The following RABL6 variants were observed in gnomAD, a reference collection of about 807,000 sequenced individuals.
RABL6 encodes RAB, member RAS oncogene family like 6.
In RABL6, 28 loss-of-function variants were observed where a neutral mutation model predicts 72.9. That is an observed-to-expected ratio of 0.38 (90% CI 0.28 to 0.53). The LOEUF (loss-of-function observed/expected upper bound fraction) is 0.53, where lower values mean the gene tolerates loss of function less well. Ranked by LOEUF, RABL6 falls within the 20% of genes least tolerant of loss-of-function variation. RABL6 has a pLI of 0.80. For missense variants in RABL6, 1,029 were observed against 1,008.4 expected (o/e 1.02, Z -0.28); for synonymous variants, 477 against 421.2 (o/e 1.13, Z -1.62).
In RABL6 at chr9:136,837,881, G is replaced by A. The variant is rs556667135; in HGVS notation, c.1146G>A (p.Glu382=). 13 of 1,550,092 alleles carry A rather than the reference G, an allele frequency of 8.4e-6. No individual in the cohort carries two copies. In the East Asian group the frequency reaches 1.7e-4, roughly 20 times the overall value. Residue 382 remains glutamate, a synonymous_variant, in exon 10 of 15, where the codon GAG becomes GAA. Coordinates refer to ENST00000311502, the MANE Select transcript of RABL6 (RefSeq NM_024718.5). ...PPPPEPVPAA[E]GPATVQSVED... Reference sequence around the variant, plus strand: ...TCACAGAGCCAGTCCCGGCCGCAGAGGGCCCAGCAACGGTCCAGAGTGTGG... The same window carrying A: ...TCACAGAGCCAGTCCCGGCCGCAGAAGGCCCAGCAACGGTCCAGAGTGTGG...
intron 7 of RABL6, chr9:136,832,645 T>C (rs1848502129): frequency 2.1e-6 from 1 of 483,608 alleles, no homozygotes; most frequent in Non-Finnish European, 3.8e-6. Context: ...TTGTTTTTGT[T>C]TGTTGAGATA....
At chr9:136,837,820 T>A (rs781208674) in intron 9 of RABL6, 42 bp from the exon 10 acceptor site, 42 of 1,543,896 alleles carry the variant, frequency 2.7e-5, no homozygotes, top group Non-Finnish European at 3.5e-5. Flanking sequence ...GCAGTGAGGG[T>A]TCTGGTGCCG....
Position 136,837,680 on chromosome 9 carries a change from C to T in RABL6, c.1126+18C>T. On this transcript the variant is annotated intron_variant, in intron 9 of 14. Coordinates refer to ENST00000311502, the MANE Select transcript of RABL6 (RefSeq NM_024718.5). ...ACCTCCAGGTAGGCCCTGGAGCTGC[C>T]CCTCCCAAACTGGTCCCAGACCCCC... The T allele has an allele frequency of 6.4e-7, 1 of 1,563,542 alleles. No individual in the cohort carries two copies. Among genetic ancestry groups the T allele is most frequent in the Non-Finnish European group, 8.7e-7 (1 of 1,155,160 alleles).
intron 1 of RABL6, among the ~76,000 whole-genome samples, chr9:136,816,566 A>G (rs1848122872): frequency 6.6e-6 from 1 of 151,884 alleles, no homozygotes; most frequent in African/African-American, 2.4e-5. Flanking sequence ...AATAACAAAA[A>G]TTAGCTGGGT....
At chr9:136,821,351 C>T in intron 1 of RABL6, 1 of 985,354 alleles carries the variant, frequency 1.0e-6, no homozygotes, top group Non-Finnish European at 1.2e-6. Flanking sequence ...GACCCGGAGA[C>T]GGGACCACCG....
intron 8 of RABL6, chr9:136,837,013 A>G (rs961456259): frequency 2.4e-5 from 10 of 417,836 alleles, no homozygotes; most frequent in African/African-American, 1.8e-4. Context: ...AGCTGGGGCT[A>G]CAGGCACCCG....
Position 136,837,676 on chromosome 9 carries a change from C to G in RABL6, c.1126+14C>G. ...CTCCACCTCCAGGTAGGCCCTGGAGCTGCCCCTCCCAAACTGGTCCCAGAC... is the reference window on the plus strand; with the variant it reads ...CTCCACCTCCAGGTAGGCCCTGGAGGTGCCCCTCCCAAACTGGTCCCAGAC... On this transcript the variant is annotated intron_variant, in intron 9 of 14. Transcript: ENST00000311502. 6.4e-7 allele frequency: 1 copy of G among 1,566,660 alleles called. No individual in the cohort carries two copies. The highest frequency in any genetic ancestry group is 1.2e-5 in the South Asian group (1 of 85,182).
intron 7 of RABL6, chr9:136,834,205 A>C: frequency 8.2e-7 from 1 of 1,220,868 alleles, no homozygotes; most frequent in East Asian, 3.3e-5. Context: ...TTTCAAACAC[A>C]TCTCTAAAAA....
At chr9:136,820,218 A>G (rs1192712072) in intron 1 of RABL6, among the ~76,000 whole-genome samples, 2 of 149,570 alleles carry the variant, frequency 1.3e-5, no homozygotes, top group East Asian at 3.9e-4. Context: ...AAAAAAAAAA[A>G]AAAAAATTAG....
intron 1 of RABL6, chr9:136,814,084 T>G (rs1352959682): frequency 2.8e-6 from 1 of 354,708 alleles, no homozygotes; most frequent in Non-Finnish European, 5.6e-6. Context: ...TCTTTCCAGG[T>G]CTTCAGCAGC....
At position 136,839,841 on chromosome 9, in the gene RABL6, G is replaced by T; in HGVS notation, c.1906G>T (p.Gly636Ter). ...DLFGLGLEEAGPKESSEEGKE... is the reference protein window; with the variant it reads ...DLFGLGLEEA ...CTTCGGGCTGGGGCTGGAGGAGGCC[G>T]GACCCAAGGAGAGCAGTGAGGAAGG... The change falls in exon 13 of 15, where the codon GGA (glycine) becomes TGA (stop). Residue 636 changes from glycine to a stop codon, truncating the protein, a stop_gained. Transcript: ENST00000311502. LOFTEE classifies it high-confidence loss of function. 1 of 1,612,386 alleles carries T rather than the reference G, an allele frequency of 6.2e-7. No individual in the cohort carries two copies. Among genetic ancestry groups the T allele is most frequent in the Non-Finnish European group, 8.5e-7 (1 of 1,179,710 alleles).
chr9:136,820,790 TG>T (rs1463589161), intron 1 of RABL6, among the ~76,000 whole-genome samples: 26 of 152,084 alleles, frequency 1.7e-4, no homozygotes, highest in African/African-American at 5.8e-4. Context: ...AGGCTGAGTG[TG>T]GGTGTTGCAG....
rs375891311 is a variant in RABL6 at position 136,834,699 on chromosome 9, G to C, written c.706-1043G>C. Among the ~76,000 whole-genome samples, 4 of 152,182 alleles carry C rather than the reference G, an allele frequency of 2.6e-5. No homozygotes were observed. In the South Asian group the frequency reaches 8.3e-4, roughly 32 times the overall value. ...TTGCCATATTGGCCAGGACGGTCTCGATCTCTTGACCTCGTGATCTGCCCG... is the reference window on the plus strand; with the variant it reads ...TTGCCATATTGGCCAGGACGGTCTCCATCTCTTGACCTCGTGATCTGCCCG... On this transcript the variant is annotated intron_variant, in intron 7 of 14. Coordinates refer to ENST00000311502, the MANE Select transcript of RABL6 (RefSeq NM_024718.5).
chr9:136,816,816 TAA>T (rs1007152577), intron 1 of RABL6, among the ~76,000 whole-genome samples: 3 of 152,146 alleles, frequency 2.0e-5, no homozygotes, highest in Non-Finnish European at 2.9e-5. Flanking sequence ...TTAGCTTTTT[TAA>T]AAAAGAGTTT....
intron 1 of RABL6, among the ~76,000 whole-genome samples, chr9:136,820,667 G>A (rs964037846): frequency 8.6e-5 from 13 of 151,978 alleles, no homozygotes; most frequent in African/African-American, 2.7e-4. Context: ...CACCGTGCCC[G>A]GCCAATAATA....
Position 136,808,252 on chromosome 9 carries a change from A to G in RABL6, c.56A>G (p.Lys19Arg), listed in dbSNP as rs771607893. 12 of 1,566,038 alleles carry G rather than the reference A, an allele frequency of 7.7e-6. No individual in the cohort carries two copies. In the Admixed American group the frequency reaches 2.0e-4, roughly 26 times the overall value. ...TCGGACCAGGCCCCGGGCCGGGACA[A>G]GAACATCCCCGCCGGGCTGCAGTCC... ...VGSDQAPGRD[K>R]NIPAGLQSMN... Residue 19 changes from lysine to arginine, a missense_variant, in exon 1 of 15, where the codon AAG (lysine) becomes AGG (arginine). By Grantham distance (26) the Lys-to-Arg change is conservative. This residue lies in a region of RABL6 where 434 missense variants were observed against 536.1 expected (regional missense o/e 0.81). Transcript: ENST00000311502.
chr9:136,833,949 C>G, intron 7 of RABL6: 1 of 1,546,948 alleles, frequency 6.5e-7, no homozygotes, highest in Non-Finnish European at 8.7e-7. Flanking sequence ...CTCAGCTGCT[C>G]CATTCCCTAA....
rs779589434 is a variant in RABL6, at chr9:136,838,970, G to A, written c.1342G>A (p.Glu448Lys). ...VAGFQDDVDL[E>K]DQPRGSPPLP... ...AGGGTTCCAGGACGATGTGGACCTC[G>A]AAGACCAGCCACGTGGGAGTCCCCC... The change falls in exon 11 of 15, where the codon GAA becomes AAA. Residue 448 changes from glutamate (E) to lysine (K), a missense_variant. This residue lies in a region of RABL6 where 595 missense variants were observed against 472.4 expected (regional missense o/e 1.26). Coordinates refer to ENST00000311502, the MANE Select transcript of RABL6 (RefSeq NM_024718.5). 35 of 1,611,102 alleles carry A rather than the reference G, an allele frequency of 2.2e-5. No homozygotes were observed. Among genetic ancestry groups the A allele is most frequent in the Middle Eastern group, 1.7e-4 (1 of 5,848 alleles).
intron 7 of RABL6, chr9:136,834,520 C>T (rs965003332): frequency 2.1e-6 from 2 of 934,190 alleles, no homozygotes; most frequent in African/African-American, 3.6e-5. Flanking sequence ...CTCACTCTGT[C>T]CAGGCTGGAG....
Sources: allele counts gnomAD v4.1 joint callset (sites outside exome capture counted in the v4.1 genomes callset), GRCh38; gene constraint gnomAD v4.1.1; regional missense constraint gnomAD v4.1.1; transcripts MANE v1.5; gene names NCBI Gene and HGNC (gene_info 2026-07-23, HGNC 2026-07-21).